The following RBFOX1 variants were observed in gnomAD, a reference collection of about 807,000 sequenced individuals.
RBFOX1 encodes the protein RNA binding fox-1 homolog 1.
In RBFOX1, 8 loss-of-function variants were observed where a neutral mutation model predicts 57.7. The ratio of observed to expected loss-of-function variants is 0.14; its 90% CI spans 0.08 to 0.25. RBFOX1 has a LOEUF of 0.25. Ranked by LOEUF, RBFOX1 falls within the 10% of genes least tolerant of loss-of-function variation. The pLI, the probability that RBFOX1 is intolerant of heterozygous loss-of-function variation, is 1.00. For synonymous variants in RBFOX1, 326 were observed against 222.4 expected (o/e 1.47, Z -4.15); for missense variants, 611 against 548.5 (o/e 1.11, Z -1.14).
intron 4 of RBFOX1, among the ~76,000 whole-genome samples, chr16:7,366,985 A>G (rs2097463112): frequency 6.6e-6 from 1 of 152,104 alleles, no homozygotes; most frequent in South Asian, 2.1e-4. Context: ...TCAGGTGGAC[A>G]TGTTTTTAAC....
At chr16:7,335,785 A>C (rs963847961) in intron 4 of RBFOX1, among the ~76,000 whole-genome samples, 1 of 152,164 alleles carries the variant, frequency 6.6e-6, no homozygotes, top group African/African-American at 2.4e-5. Context: ...CTCCTTTAGG[A>C]AAATCAGAAT....
chr16:5,353,575 CA>C (rs1483443570), intron 1 of RBFOX1, among the ~76,000 whole-genome samples: 1 of 152,028 alleles, frequency 6.6e-6, no homozygotes. Context: ...GTCGTTTTGG[CA>C]GGAGGACTAC....
At chr16:5,799,417 C>G (rs2054987464) in intron 3 of RBFOX1, among the ~76,000 whole-genome samples, 1 of 152,094 alleles carries the variant, frequency 6.6e-6, no homozygotes, top group African/African-American at 2.4e-5. Context: ...AAAAGTCGAA[C>G]AATATACAGA....
rs76971376 is a variant in RBFOX1 at position 7,400,372 on chromosome 16, C to G, written c.28-117775C>G. On this transcript the variant is annotated intron_variant, in intron 4 of 15. Transcript: ENST00000550418. ...GAACCCATCTTTAAGGAAACTGCAA[C>G]CTCAGCACAGGGGCTAGCAGACATA... 9.2e-5 allele frequency among the ~76,000 whole-genome samples: 14 copies of G among 152,258 alleles called. No individual in the cohort carries two copies. In the East Asian group the frequency reaches 2.7e-3, roughly 29 times the overall value.
intron 1 of RBFOX1, among the ~76,000 whole-genome samples, chr16:5,330,707 C>CTTT (rs772757574): frequency 1.2e-4 from 16 of 134,890 alleles, no homozygotes; most frequent in African/African-American, 4.1e-4. Flanking sequence ...GCCCAGCCTA[C>CTTT]TTTTTTTTTT....
chr16:6,368,175 T>G (rs1325106118), intron 2 of RBFOX1, among the ~76,000 whole-genome samples: 2 of 152,196 alleles, frequency 1.3e-5, no homozygotes, highest in Non-Finnish European at 2.9e-5. Context: ...CTTCAAGGGA[T>G]TATGCATATG....
chr16:7,217,292 CTTTTTT>C lies in RBFOX1; in HGVS notation c.27+165207_27+165212del, dbSNP rs71147672. On this transcript the variant is annotated intron_variant, in intron 4 of 15. Coordinates refer to ENST00000550418, the MANE Select transcript of RBFOX1 (RefSeq NM_018723.4). Reference sequence around the variant, plus strand: ...AATTATCTTTTTTTTTCTTATTCTTCTTTTTTTTTTTTTTTTTTAGTAGAGATGGAG... The same window carrying C: ...AATTATCTTTTTTTTTCTTATTCTTCTTTTTTTTTTTTAGTAGAGATGGAG... Among the ~76,000 whole-genome samples the C allele has an allele frequency of 1.9e-5, 2 of 104,080 alleles. 1 individual carries two copies. Among genetic ancestry groups the C allele is most frequent in the Non-Finnish European group, 3.6e-5 (2 of 56,032 alleles). 68.3% of individuals were successfully genotyped at this position (104,080 alleles called of 152,430 possible). A position where few individuals can be genotyped will look rare whatever the true frequency, so the allele number is the denominator to read the frequency against.
intron 2 of RBFOX1, among the ~76,000 whole-genome samples, chr16:5,505,004 T>G (rs2043331037): frequency 6.6e-6 from 1 of 152,146 alleles, no homozygotes; most frequent in Admixed American, 6.6e-5. Context: ...GCAGGTTTCT[T>G]TGAGGAGTGA....
At chr16:7,175,258 T>G (rs1044558440) in intron 4 of RBFOX1, among the ~76,000 whole-genome samples, 3 of 152,112 alleles carry the variant, frequency 2.0e-5, no homozygotes, top group African/African-American at 4.8e-5. Flanking sequence ...GCCCATGTAT[T>G]TTCATTTTTC....
At chr16:5,437,064 C>T (rs930044339) in intron 1 of RBFOX1, among the ~76,000 whole-genome samples, 1 of 152,122 alleles carries the variant, frequency 6.6e-6, no homozygotes, top group African/African-American at 2.4e-5. Context: ...ATCCTCATAT[C>T]TAGAGTGTAG....
intron 2 of RBFOX1, among the ~76,000 whole-genome samples, chr16:5,497,623 A>AG (rs1567163693): frequency 8.4e-6 from 1 of 119,268 alleles, no homozygotes; most frequent in African/African-American, 4.2e-5. Context: ...CTAAAAATAC[A>AG]AAAAAAAAAA....
intron 3 of RBFOX1, among the ~76,000 whole-genome samples, chr16:6,993,156 TTTTC>T (rs1379568958): frequency 6.6e-6 from 1 of 152,180 alleles, no homozygotes; most frequent in African/African-American, 2.4e-5. Flanking sequence ...ACTGACTTTC[TTTTC>T]TTTGTCTCAC....
chr16:6,806,837 T>TATATATATATATATATATATACATA, intron 3 of RBFOX1, among the ~76,000 whole-genome samples: 1 of 68,916 alleles, frequency 1.5e-5, no homozygotes, highest in South Asian at 5.0e-4. Flanking sequence ...TATATATATA[T>TATATATATATATATATATATACATA]TTTTTTTTTT....
In RBFOX1 at chr16:6,019,803, C is replaced by A; in HGVS notation, c.-316C>A. 1.3e-6 allele frequency: 2 copies of A among 1,490,514 alleles called. No individual in the cohort carries two copies. The highest frequency in any genetic ancestry group is 1.4e-5 in the African/African-American group (1 of 71,350). 92.3% of individuals were successfully genotyped at this position (1,490,514 alleles called of 1,614,324 possible). A position where few individuals can be genotyped will look rare whatever the true frequency, so the allele number is the denominator to read the frequency against. On this transcript the variant is annotated 5_prime_UTR_variant, in exon 1 of 16. Coordinates refer to ENST00000550418, the MANE Select transcript of RBFOX1 (RefSeq NM_018723.4). This position sits in a 1 kb window ranked among gnomAD's most constrained non-coding sequence, Gnocchi z 4.2. ...GGTCCCCGCCTGTCCGGACCCTCGC[C>A]GCGCCCAGGCAGGCGCGCCAGGGCG...
intron 4 of RBFOX1, among the ~76,000 whole-genome samples, chr16:5,962,491 T>G (rs2059769578): frequency 6.6e-6 from 1 of 152,192 alleles, no homozygotes; most frequent in African/African-American, 2.4e-5. Context: ...CTCCACCTTT[T>G]TTCTTCACTT....
chr16:7,025,376 C>G (rs987010249), intron 3 of RBFOX1, among the ~76,000 whole-genome samples: 9 of 152,242 alleles, frequency 5.9e-5, no homozygotes, highest in African/African-American at 1.9e-4. Flanking sequence ...TTACTGCAAA[C>G]TGTTTTTATC....
intron 4 of RBFOX1, among the ~76,000 whole-genome samples, chr16:7,250,350 G>C (rs894422354): frequency 2.0e-5 from 3 of 152,162 alleles, no homozygotes; most frequent in African/African-American, 7.2e-5. Context: ...TGGTGACCAT[G>C]GATGCTGACA....
chr16:6,848,458 C>T (rs1251195138), intron 3 of RBFOX1, among the ~76,000 whole-genome samples: 2 of 152,094 alleles, frequency 1.3e-5, no homozygotes, highest in Admixed American at 6.6e-5. Context: ...CAGCAGGCAC[C>T]CGATTGCCAG....
At chr16:7,693,910 A>T (rs2077986533) in intron 14 of RBFOX1, among the ~76,000 whole-genome samples, 1 of 152,212 alleles carries the variant, frequency 6.6e-6, no homozygotes, top group Non-Finnish European at 1.5e-5. Flanking sequence ...TTCTTATAAA[A>T]CATCTCTCAA....
Sources: allele counts gnomAD v4.1 joint callset (sites outside exome capture counted in the v4.1 genomes callset), GRCh38; gene constraint gnomAD v4.1.1; non-coding constraint Gnocchi (gnomAD v3.1); transcripts MANE v1.5; gene names NCBI Gene and HGNC (gene_info 2026-07-23, HGNC 2026-07-21).